Variants in LONRF3 observed in about 807,000 individuals in gnomAD.
LONRF3 encodes LON peptidase N-terminal domain and ring finger 3.
Under a neutral mutation model 51.7 loss-of-function variants are expected in LONRF3, and 19 were observed. The observed-to-expected ratio is 0.37, with a 90% CI of 0.26 to 0.54. The LOEUF (loss-of-function observed/expected upper bound fraction) is 0.54. Among genes scored for constraint, LONRF3 ranks in the 20% least tolerant of loss-of-function variants. The pLI is 0.86. For synonymous variants in LONRF3, 265 were observed against 257.8 expected (o/e 1.03, Z -0.27); for missense variants, 521 against 623.9 (o/e 0.84, Z 1.76).
At chrX:118,987,861 C>A (rs182517491) in intron 3 of LONRF3, among the ~76,000 whole-genome samples, 2 of 111,912 alleles carry the variant, frequency 1.8e-5, no homozygotes. Context: ...GTATTTGTAA[C>A]AGAGAAGAGG....
intron 5 of LONRF3, among the ~76,000 whole-genome samples, chrX:118,993,024 C>T (rs774084259): frequency 2.6e-4 from 29 of 111,503 alleles, no homozygotes; most frequent in Non-Finnish European, 4.7e-4. Context: ...GAACAACAGC[C>T]TTTAGCCCTA....
At chrX:119,012,013 T>C (rs17261040) in intron 8 of LONRF3, 40 bp downstream of exon 8, 39,899 of 1,194,736 alleles carry the variant, frequency 0.033, 532 homozygotes, top group South Asian at 0.085. Context: ...GGTTGTGTAA[T>C]GAGGGATTTC....
Position 118,978,437 on chromosome X carries a change from T to C in LONRF3, c.910T>C (p.Cys304Arg). 1 of 1,201,515 alleles carries C rather than the reference T, an allele frequency of 8.3e-7. No homozygotes were observed. Among genetic ancestry groups the C allele is most frequent in the Non-Finnish European group, 1.1e-6 (1 of 886,783 alleles). Residue 304 changes from cysteine to arginine, a missense_variant, in exon 2 of 11, where the codon TGT (cysteine) becomes CGT (arginine). This residue lies in a region of LONRF3 where 376 missense variants were observed against 376.7 expected (regional missense o/e 1.00). Coordinates refer to ENST00000371628, the MANE Select transcript of LONRF3 (RefSeq NM_001031855.3). The part of the protein sequence containing the change: ...ENALHDAEIA[C>R]KLRPMGFKAH... The stretch of plus-strand genomic sequence containing the variant: ...TGCACTGCATGATGCAGAAATAGCA[T>C]GTAAGCTCCGCCCGATGGGTTTTAA...
At chrX:118,998,812 C>T (rs1433853441) in intron 5 of LONRF3, among the ~76,000 whole-genome samples, 2 of 111,568 alleles carry the variant, frequency 1.8e-5, no homozygotes, top group Admixed American at 9.5e-5. Flanking sequence ...GCAATTCAGC[C>T]TCCTGCCTGG....
In LONRF3 at chrX:119,008,758, T is replaced by C. The variant is rs1924899847; in HGVS notation, c.1531-368T>C. 1.8e-5 allele frequency among the ~76,000 whole-genome samples: 2 copies of C among 111,415 alleles called. 1 individual carries two copies. Among genetic ancestry groups the C allele is most frequent in the South Asian group, 7.5e-4 (2 of 2,664 alleles). On this transcript the variant is annotated intron_variant, in intron 6 of 10. Transcript: ENST00000371628. ...CCAGATGGAGACAATTTCTGTGAGC[T>C]TGTAAATACAATCATCAGAAAATGG...
At chrX:119,015,325 C>T (rs990035190) in intron 10 of LONRF3, among the ~76,000 whole-genome samples, 2 of 111,992 alleles carry the variant, frequency 1.8e-5, no homozygotes, top group African/African-American at 3.2e-5. Context: ...TGGGAAGATT[C>T]CTTTCCCTTT....
In LONRF3 at chrX:118,990,497, C is replaced by T; in HGVS notation, c.1352C>T (p.Pro451Leu). Reference sequence around the variant, plus strand: ...CCTCCCACTGATCAGGGGGACAAACCTGCTCTCAGTTTACCACTTGCATCT... The same window carrying T: ...CCTCCCACTGATCAGGGGGACAAACTTGCTCTCAGTTTACCACTTGCATCT... The part of the protein sequence containing the change: ...QDPPTDQGDK[P>L]ALSLPLASFD... Residue 451 changes from proline to leucine, a missense_variant, in exon 5 of 11, where the codon CCT (proline) becomes CTT (leucine). By Grantham distance (98) the Pro-to-Leu change is moderately conservative (BLOSUM62 -3). This residue lies in a region of LONRF3 where 376 missense variants were observed against 376.7 expected (regional missense o/e 1.00). Coordinates refer to ENST00000371628, the MANE Select transcript of LONRF3 (RefSeq NM_001031855.3). 1 of 1,211,106 alleles carries T rather than the reference C, an allele frequency of 8.3e-7. No homozygotes were observed. Among genetic ancestry groups the T allele is most frequent in the Non-Finnish European group, 1.1e-6 (1 of 894,776 alleles).
At chrX:119,001,175 T>C (rs1924292061) in intron 5 of LONRF3, among the ~76,000 whole-genome samples, 2 of 112,031 alleles carry the variant, frequency 1.8e-5, no homozygotes, top group South Asian at 3.7e-4. Flanking sequence ...AAAAAAATTC[T>C]AGTCAAGTTC....
At chrX:118,986,858 C>G in intron 3 of LONRF3, 2 of 1,035,654 alleles carry the variant, frequency 1.9e-6, no homozygotes. Context: ...CCCCCCTTCA[C>G]CCTCCTCCCC....
chrX:119,017,406 A>T lies in LONRF3; in HGVS notation c.2125-129A>T, dbSNP rs897412003. The T allele has an allele frequency of 1.3e-5, 8 of 626,961 alleles. No individual in the cohort carries two copies. In the Admixed American group the frequency reaches 1.8e-4, roughly 14 times the overall value. 51.7% of individuals were successfully genotyped at this position (626,961 alleles called of 1,213,427 possible). A position where few individuals can be genotyped will look rare whatever the true frequency, so the allele number is the denominator to read the frequency against. On this transcript the variant is annotated intron_variant, in intron 10 of 10. Coordinates refer to ENST00000371628, the MANE Select transcript of LONRF3 (RefSeq NM_001031855.3). ...TGCTAAAATAAGGGGGAAAATAGAT[A>T]TAGGGTCAATTAGCAATCTGCCACA...
rs1191511042 is a variant in LONRF3, at chrX:118,989,424, C to T, written c.1076C>T (p.Pro359Leu). 8.3e-7 allele frequency: 1 copy of T among 1,210,708 alleles called. No homozygotes were observed. Among genetic ancestry groups the T allele is most frequent in the South Asian group, 1.8e-5 (1 of 56,816 alleles). The change falls in exon 4 of 11, where the codon CCA becomes CTA. Residue 359 changes from proline to leucine, a missense_variant. Pro to Leu is a moderately conservative substitution (Grantham distance 98). Around this residue, in one of 2 missense-constraint regions of LONRF3, gnomAD observed 376 missense variants for 376.7 expected, o/e 1.00. Transcript: ENST00000371628. ...TTCATCCAGGACAATCTGGAGCTCCCACATTGTTCTAGTCAGGAGGAAGCA... is the reference window on the plus strand; with the variant it reads ...TTCATCCAGGACAATCTGGAGCTCCTACATTGTTCTAGTCAGGAGGAAGCA... ...CEAQRDNLEL[P>L]HCSSQEEAAA...
chrX:119,016,507 C>G (rs1462681766), intron 10 of LONRF3, among the ~76,000 whole-genome samples: 2 of 109,724 alleles, frequency 1.8e-5, no homozygotes, highest in Non-Finnish European at 3.8e-5. Context: ...GCCACCGCGC[C>G]CGGCTAATTT....
Position 118,996,028 on chromosome X carries a change from G to C in LONRF3, c.1415+5468G>C, listed in dbSNP as rs1266707686. On this transcript the variant is annotated intron_variant, in intron 5 of 10. Coordinates refer to ENST00000371628, the MANE Select transcript of LONRF3 (RefSeq NM_001031855.3). ...TCACCCTAATAACAAAACCAGGAAAGGACAACCAAAAAAAGAAAACCACAT... is the reference window on the plus strand; with the variant it reads ...TCACCCTAATAACAAAACCAGGAAACGACAACCAAAAAAAGAAAACCACAT... Among the ~76,000 whole-genome samples the C allele has an allele frequency of 2.7e-5, 3 of 111,790 alleles. No individual in the cohort carries two copies. In the East Asian group the frequency reaches 8.4e-4, roughly 31 times the overall value.
intron 4 of LONRF3, among the ~76,000 whole-genome samples, chrX:118,990,231 C>T (rs1366426470): frequency 8.9e-6 from 1 of 111,881 alleles, no homozygotes; most frequent in African/African-American, 3.3e-5. Flanking sequence ...ATGAAGTCCC[C>T]AGGGCTCCTG....
chrX:118,975,384 T>C lies in LONRF3; in HGVS notation c.604T>C (p.Leu202=). 8.3e-7 allele frequency: 1 copy of C among 1,206,244 alleles called. No homozygotes were observed. Residue 202 remains leucine, a synonymous_variant, in exon 1 of 11, where the codon TTG becomes CTG. Transcript: ENST00000371628. ...GCTGTGCGGGGTCAAGCTCTCCGCCTTGATGGTGGCCACTGGGCGGGCGCG... is the reference window on the plus strand; with the variant it reads ...GCTGTGCGGGGTCAAGCTCTCCGCCCTGATGGTGGCCACTGGGCGGGCGCG... The part of the protein sequence containing the change: ...CALCGVKLSA[L]MVATGRARGA...
chrX:119,009,339 T>G, intron 7 of LONRF3, 92 bp downstream of exon 7: 2 of 927,186 alleles, frequency 2.2e-6, no homozygotes, highest in South Asian at 5.3e-5. Flanking sequence ...GACTTAGTGA[T>G]GTCATGCTAG....
intron 5 of LONRF3, among the ~76,000 whole-genome samples, chrX:118,999,468 AGACTT>A (rs916922939): frequency 8.5e-5 from 9 of 105,310 alleles, no homozygotes; most frequent in Non-Finnish European, 1.7e-4. Context: ...GCTGTGGAGT[AGACTT>A]GACTTAGCCT....
chrX:118,975,437 G>A lies in LONRF3; in HGVS notation c.657G>A (p.Pro219=). The part of the protein sequence containing the change: ...ARGARRAGQQ[P]PPPLRVNVVL... ...GAGCCCGGCGGGCTGGGCAGCAGCC[G>A]CCGCCGCCGCTGCGAGTCAACGTGG... The change falls in exon 1 of 11, where the codon CCG becomes CCA. Residue 219 remains proline, a synonymous_variant. Transcript: ENST00000371628. 1 of 1,185,410 alleles carries A rather than the reference G, an allele frequency of 8.4e-7. No individual in the cohort carries two copies. The highest frequency in any genetic ancestry group is 2.4e-4 in the Middle Eastern group (1 of 4,200).
intron 6 of LONRF3, 54 bp downstream of exon 6, chrX:119,006,289 T>G (rs1380166134): frequency 1.1e-6 from 1 of 945,609 alleles, no homozygotes; most frequent in Non-Finnish European, 1.5e-6. Context: ...TTTCTTGTTT[T>G]GTTTAGTTTA....
Sources: allele counts gnomAD v4.1 joint callset (sites outside exome capture counted in the v4.1 genomes callset), GRCh38; gene constraint gnomAD v4.1.1; regional missense constraint gnomAD v4.1.1; transcripts MANE v1.5; gene names NCBI Gene and HGNC (gene_info 2026-07-23, HGNC 2026-07-21).